Variants in RFX7 observed in about 807,000 individuals in gnomAD.
RFX7 encodes regulatory factor X7, also known as DNA-binding protein RFX7.
RFX7 carries 26 observed loss-of-function variants against 111.8 expected under a neutral mutation model. That is an observed-to-expected ratio of 0.23 (90% CI 0.17 to 0.32). RFX7 has a LOEUF of 0.32. Ranked by LOEUF, RFX7 falls within the 10% of genes least tolerant of loss-of-function variation. RFX7 has a pLI of 1.00. For synonymous variants in RFX7, 624 were observed against 624.4 expected (o/e 1.00, Z 0.01); for missense variants, 1,573 against 1,772.9 (o/e 0.89, Z 2.02).
Position 56,094,489 on chromosome 15 carries a change from T to C in RFX7, c.3239A>G (p.His1080Arg). The part of the protein sequence containing the change: ...SGVGNSSVSG[H>R]GILPSYQELV... Reference sequence around the variant, plus strand: ...TTCCTGATAGCTTGGGAGAATACCATGGCCAGAAACTGATGAATTACCAAC... The same window carrying C: ...TTCCTGATAGCTTGGGAGAATACCACGGCCAGAAACTGATGAATTACCAAC... Residue 1080 changes from histidine (H) to arginine (R), a missense_variant, in exon 10 of 10, where the codon CAT (histidine) becomes CGT (arginine). Physicochemically the swap from His to Arg is conservative, Grantham distance 29. This residue lies in a region of RFX7 where 411 missense variants were observed against 478.1 expected (regional missense o/e 0.86). Transcript: ENST00000559447. 4 of 1,613,936 alleles carry C rather than the reference T, an allele frequency of 2.5e-6. No homozygotes were observed. Among genetic ancestry groups the C allele is most frequent in the Non-Finnish European group, 3.4e-6 (4 of 1,179,882 alleles).
chr15:56,112,456 A>G (rs1321588822), intron 5 of RFX7, among the ~76,000 whole-genome samples: 2 of 151,822 alleles, frequency 1.3e-5, no homozygotes, highest in East Asian at 1.9e-4. Context: ...AGCCATATGC[A>G]GAAAACTGAA....
intron 5 of RFX7, among the ~76,000 whole-genome samples, chr15:56,124,156 C>G (rs1345002876): frequency 2.0e-5 from 3 of 152,182 alleles, no homozygotes; most frequent in African/African-American, 7.2e-5. Flanking sequence ...GGTGCAGTGG[C>G]TCACGCCTGT....
rs187661473 is a variant in RFX7 at position 56,168,743 on chromosome 15, A to C, written c.195+10527T>G. Among the ~76,000 whole-genome samples, 41 of 152,306 alleles carry C rather than the reference A, an allele frequency of 2.7e-4. 1 individual carries two copies. The East Asian group carries it at 7.9e-3, about 29-fold the overall frequency. On this transcript the variant is annotated intron_variant, in intron 3 of 9. Coordinates refer to ENST00000559447, the MANE Select transcript of RFX7 (RefSeq NM_022841.7). ...TCCTAAAGTGGTTTTCCTGAATATA[A>C]GGAGGTGTCCTGAATAAAAAGATGG...
At chr15:56,109,100 A>C (rs1324420363) in intron 5 of RFX7, among the ~76,000 whole-genome samples, 2 of 152,058 alleles carry the variant, frequency 1.3e-5, no homozygotes, top group African/African-American at 4.8e-5. Context: ...TGCCGAGCCG[A>C]AGCTGGACTG....
In RFX7 at chr15:56,241,443, T is replaced by C. The variant is rs189983177; in HGVS notation, c.161+1682A>G. On this transcript the variant is annotated intron_variant, in intron 2 of 9. Coordinates refer to ENST00000559447, the MANE Select transcript of RFX7 (RefSeq NM_022841.7). ...CATAATCAATTAAAATATACATTAC[T>C]CATTCAACTTTTAAAATTTGTCTCT... is the stretch of plus-strand genomic sequence containing the variant. 4.8e-3 allele frequency among the ~76,000 whole-genome samples: 725 copies of C among 152,316 alleles called. 24 individuals are homozygous for C. In the East Asian group the frequency reaches 0.1, roughly 21 times the overall value.
intron 5 of RFX7, among the ~76,000 whole-genome samples, chr15:56,108,215 C>G (rs1027147133): frequency 6.6e-6 from 1 of 152,194 alleles, no homozygotes; most frequent in Non-Finnish European, 1.5e-5. Context: ...ATGAGGCCAG[C>G]ATCATCCTGA....
chr15:56,111,483 C>T (rs552462903), intron 5 of RFX7, among the ~76,000 whole-genome samples: 27 of 151,160 alleles, frequency 1.8e-4, no homozygotes, highest in African/African-American at 6.3e-4. Flanking sequence ...ACTCCCTAAT[C>T]TCAAGTACCC....
At chr15:56,167,437 G>A (rs975087772) in intron 3 of RFX7, among the ~76,000 whole-genome samples, 4 of 152,178 alleles carry the variant, frequency 2.6e-5, no homozygotes, top group Non-Finnish European at 5.9e-5. Flanking sequence ...ACTCAGCTGG[G>A]TTTAGCTAAT....
At chr15:56,211,072 T>C (rs1284385211) in intron 2 of RFX7, among the ~76,000 whole-genome samples, 1 of 151,594 alleles carries the variant, frequency 6.6e-6, no homozygotes, top group Admixed American at 6.6e-5. Context: ...ATCTGCAAAA[T>C]CAGAAAAGAA....
In RFX7 at chr15:56,225,520, G is replaced by A. The variant is rs149005176; in HGVS notation, c.161+17605C>T. Reference sequence around the variant, plus strand: ...TATTATTTAAAGCAAGACATAAATCGTACTTCTCTCCAAATAGGCTGAAAA... The same window carrying A: ...TATTATTTAAAGCAAGACATAAATCATACTTCTCTCCAAATAGGCTGAAAA... On this transcript the variant is annotated intron_variant, in intron 2 of 9. Coordinates refer to ENST00000559447, the MANE Select transcript of RFX7 (RefSeq NM_022841.7). Among the ~76,000 whole-genome samples, 750 of 152,164 alleles carry A rather than the reference G, an allele frequency of 4.9e-3. 11 individuals are homozygous for A. Among genetic ancestry groups the A allele is most frequent in the African/African-American group, 0.017 (723 of 41,530 alleles).
At chr15:56,097,437 A>G (rs1257464585) in intron 9 of RFX7, among the ~76,000 whole-genome samples, 2 of 152,142 alleles carry the variant, frequency 1.3e-5, no homozygotes, top group African/African-American at 4.8e-5. Flanking sequence ...AAAAGCGTTT[A>G]AATTTTAAAA....
chr15:56,131,377 C>A (rs1436051027), intron 5 of RFX7, among the ~76,000 whole-genome samples: 6 of 143,968 alleles, frequency 4.2e-5, no homozygotes, highest in African/African-American at 1.5e-4. Context: ...AAGCAATCCT[C>A]CAACTCAGAC....
intron 2 of RFX7, among the ~76,000 whole-genome samples, chr15:56,193,738 G>A (rs2043121314): frequency 6.6e-6 from 1 of 152,046 alleles, no homozygotes; most frequent in African/African-American, 2.4e-5. Context: ...GAAAACATCA[G>A]CAATAAAGCA....
chr15:56,165,079 A>C (rs1387396047), intron 3 of RFX7, among the ~76,000 whole-genome samples: 1 of 152,106 alleles, frequency 6.6e-6, no homozygotes, highest in Non-Finnish European at 1.5e-5. Flanking sequence ...GGCACGTATA[A>C]CCTAGATCCC....
chr15:56,179,949 T>A (rs1047099095), intron 2 of RFX7, among the ~76,000 whole-genome samples: 1 of 152,104 alleles, frequency 6.6e-6, no homozygotes, highest in Non-Finnish European at 1.5e-5. Context: ...ACTGAACTAC[T>A]GAATATAAGT....
rs1186919886 is a variant in RFX7, at chr15:56,091,222, A to G, written c.*2123T>C. 1.3e-5 allele frequency: 2 copies of G among 152,618 alleles called. No individual in the cohort carries two copies. Among genetic ancestry groups the G allele is most frequent in the African/African-American group, 4.8e-5 (2 of 41,470 alleles). The allele number at this position is 152,618 out of a possible 1,614,324, so 9.5% of individuals were successfully genotyped here. A position where few individuals can be genotyped will look rare whatever the true frequency, so the allele number is the denominator to read the frequency against. On this transcript the variant is annotated 3_prime_UTR_variant, in exon 10 of 10. Transcript: ENST00000559447. Reference sequence around the variant, plus strand: ...CATTGAGATCAATGCACATTGCTACATAAGACAATTTTATCTGTCACTTTG... The same window carrying G: ...CATTGAGATCAATGCACATTGCTACGTAAGACAATTTTATCTGTCACTTTG...
At position 56,243,228 on chromosome 15, in the gene RFX7, G is replaced by T. The variant is rs536003334; in HGVS notation, c.58C>A (p.Pro20Thr). 12 of 1,321,410 alleles carry T rather than the reference G, an allele frequency of 9.1e-6. No homozygotes were observed. In the South Asian group the frequency reaches 1.5e-4, roughly 16 times the overall value. 81.9% of individuals were successfully genotyped at this position (1,321,410 alleles called of 1,614,324 possible). A position where few individuals can be genotyped will look rare whatever the true frequency, so the allele number is the denominator to read the frequency against. ...ACCCCCGAGTTGGGGGCGCTGGGGG[G>T]AAGCTGCTGATGGGCATCAGGCTGC... ...PQQPDAHQQLPPSAPNSGVAL... is the reference protein window; with the variant it reads ...PQQPDAHQQLTPSAPNSGVAL... Residue 20 changes from proline to threonine, a missense_variant, in exon 2 of 10, where the codon CCC becomes ACC. Physicochemically the swap from Pro to Thr is conservative, Grantham distance 38. Transcript: ENST00000559447.
chr15:56,138,296 CT>C (rs1433729789), intron 5 of RFX7, among the ~76,000 whole-genome samples: 1 of 148,490 alleles, frequency 6.7e-6, no homozygotes, highest in Non-Finnish European at 1.5e-5. Flanking sequence ...AATCTGGGTG[CT>C]CTTGTATTGG....
chr15:56,189,575 G>T (rs2043079615), intron 2 of RFX7, among the ~76,000 whole-genome samples: 1 of 151,930 alleles, frequency 6.6e-6, no homozygotes, highest in Admixed American at 6.6e-5. Context: ...TTAATAAAGA[G>T]CAAACAACTG....
Sources: gnomAD v4.1 joint callset for allele counts (sites outside exome capture counted in the v4.1 genomes callset) on GRCh38, gnomAD v4.1.1 for gene constraint, gnomAD v4.1.1 regional missense constraint, MANE v1.5 for transcripts, NCBI Gene and HGNC (gene_info 2026-07-23, HGNC 2026-07-21) for gene names.